The following ARHGEF26 variants were observed in gnomAD, a reference collection of about 807,000 sequenced individuals.
ARHGEF26 encodes Rho guanine nucleotide exchange factor (GEF) 26.
ARHGEF26 carries 59 observed loss-of-function variants against 89.4 expected under a neutral mutation model. The ratio of observed to expected loss-of-function variants is 0.66; its 90% CI spans 0.54 to 0.82. The LOEUF (loss-of-function observed/expected upper bound fraction) is 0.82, where lower values mean the gene tolerates loss of function less well. Among genes scored for constraint, ARHGEF26 ranks in the 40% least tolerant of loss-of-function variants. The pLI is 0.00. For missense variants in ARHGEF26, 1,234 were observed against 1,085.6 expected (o/e 1.14, Z -1.92); for synonymous variants, 500 against 428.4 (o/e 1.17, Z -2.06).
chr3:154,121,748 C>T (rs1006516370), intron 1 of ARHGEF26, among the ~76,000 whole-genome samples, 194 bp from the exon 2 acceptor site: 16 of 152,196 alleles, frequency 1.1e-4, no homozygotes, highest in African/African-American at 3.9e-4. Flanking sequence ...ATTAATCCGC[C>T]TGGGCGGCAG....
At chr3:154,248,838 A>T (rs1370245589) in intron 12 of ARHGEF26, among the ~76,000 whole-genome samples, 1 of 152,158 alleles carries the variant, frequency 6.6e-6, no homozygotes, top group Non-Finnish European at 1.5e-5. Context: ...AATTGAACTG[A>T]TATCTAGTTT....
chr3:154,186,886 C>CTTTTTTTTTT lies in ARHGEF26; in HGVS notation c.1488-780_1488-771dup, dbSNP rs201150057. Among the ~76,000 whole-genome samples, 71 of 82,066 alleles carry CTTTTTTTTTT rather than the reference C, an allele frequency of 8.7e-4. 22 individuals are homozygous for CTTTTTTTTTT. The highest frequency in any genetic ancestry group is 2.2e-3 in the African/African-American group (47 of 21,156). The allele number at this position is 82,066 out of a possible 152,430, so 53.8% of individuals were successfully genotyped here. ...CATATACTGTTAGATTTATTTCAGA[C>CTTTTTTTTTT]TTTTTTTTTTTTTTTTTTTTTTTTT... On this transcript the variant is annotated intron_variant, in intron 6 of 14. Coordinates refer to ENST00000465093, the MANE Select transcript of ARHGEF26 (RefSeq NM_015595.4).
intron 6 of ARHGEF26, among the ~76,000 whole-genome samples, chr3:154,160,705 T>G (rs1340058410): frequency 6.6e-6 from 1 of 152,132 alleles, no homozygotes; most frequent in Non-Finnish European, 1.5e-5. Flanking sequence ...CCTTCACAAA[T>G]CTATGGTTAC....
intron 12 of ARHGEF26, among the ~76,000 whole-genome samples, chr3:154,245,514 C>T (rs1035304911): frequency 1.3e-5 from 2 of 152,190 alleles, no homozygotes; most frequent in African/African-American, 4.8e-5. Context: ...CTGGAATGCC[C>T]TCTTCAGGCC....
rs1365685257 is a variant in ARHGEF26, at chr3:154,255,345, G to C, written c.2488G>C (p.Glu830Gln). ...QRVSDGWYEGERLRDGERGWF... is the reference protein window; with the variant it reads ...QRVSDGWYEGQRLRDGERGWF... ...CTTTTTCACAGGCTGGTATGAGGGG[G>C]AACGACTACGAGATGGAGAAAGAGG... Residue 830 changes from glutamate to glutamine, a missense_variant, in exon 15 of 15, where the codon GAA becomes CAA. Glu to Gln is a conservative substitution (Grantham distance 29). Coordinates refer to ENST00000465093, the MANE Select transcript of ARHGEF26 (RefSeq NM_015595.4). 6.2e-7 allele frequency: 1 copy of C among 1,613,228 alleles called. No individual in the cohort carries two copies.
chr3:154,243,372 A>G (rs1367132228), intron 12 of ARHGEF26, among the ~76,000 whole-genome samples: 3 of 152,170 alleles, frequency 2.0e-5, no homozygotes, highest in Non-Finnish European at 4.4e-5. Context: ...CAACATCTCA[A>G]CAGAGATTTT....
At chr3:154,185,595 C>G (rs1381759933) in intron 6 of ARHGEF26, among the ~76,000 whole-genome samples, 1 of 152,204 alleles carries the variant, frequency 6.6e-6, no homozygotes, top group African/African-American at 2.4e-5. Flanking sequence ...CTGCTACTCT[C>G]CCAGCACCTC....
chr3:154,141,637 C>T (rs1204391248), intron 4 of ARHGEF26, among the ~76,000 whole-genome samples: 1 of 152,150 alleles, frequency 6.6e-6, no homozygotes, highest in African/African-American at 2.4e-5. Flanking sequence ...TCTTTATCAG[C>T]AGCTTAACAT....
At chr3:154,248,310 A>G (rs1322453797) in intron 12 of ARHGEF26, among the ~76,000 whole-genome samples, 1 of 152,174 alleles carries the variant, frequency 6.6e-6, no homozygotes, top group Non-Finnish European at 1.5e-5. Context: ...CTCCTGATAA[A>G]GGGGCATTGT....
At chr3:154,174,491 C>T (rs1361245187) in intron 6 of ARHGEF26, among the ~76,000 whole-genome samples, 1 of 152,006 alleles carries the variant, frequency 6.6e-6, no homozygotes, top group African/African-American at 2.4e-5. Flanking sequence ...CCTCAGAGAG[C>T]CTCTCTACAA....
intron 6 of ARHGEF26, among the ~76,000 whole-genome samples, chr3:154,165,003 G>A (rs1425641221): frequency 6.6e-6 from 1 of 152,104 alleles, no homozygotes; most frequent in Non-Finnish European, 1.5e-5. Context: ...TTTTTAGGAA[G>A]ACTGGTTTAA....
At chr3:154,164,536 C>T (rs1711879017) in intron 6 of ARHGEF26, among the ~76,000 whole-genome samples, 1 of 151,972 alleles carries the variant, frequency 6.6e-6, no homozygotes, top group African/African-American at 2.4e-5. Flanking sequence ...GGAAAGGTTC[C>T]ATAGAAATGT....
At chr3:154,130,147 A>ATTTTTTTTTTTTTTTTTTTTTTT (rs55816788) in intron 4 of ARHGEF26, among the ~76,000 whole-genome samples, 1 of 105,970 alleles carries the variant, frequency 9.4e-6, no homozygotes, top group East Asian at 3.0e-4. Context: ...TTCCTTGGAA[A>ATTTTTTTTTTTTTTTTTTTTTTT]TTTTTTTTTT....
At chr3:154,124,557 C>A in intron 3 of ARHGEF26, 108 bp downstream of exon 3, 4 of 982,444 alleles carry the variant, frequency 4.1e-6, no homozygotes, top group Non-Finnish European at 5.9e-6. Flanking sequence ...GAAATATGTC[C>A]AACTTCTTCT....
At chr3:154,219,573 CAAA>C (rs1204442217) in intron 10 of ARHGEF26, among the ~76,000 whole-genome samples, 1 of 146,196 alleles carries the variant, frequency 6.8e-6, no homozygotes, top group Non-Finnish European at 1.5e-5. Context: ...CCAGCCTGGG[CAAA>C]AGAGCAAGAC....
chr3:154,227,212 A>G (rs1221259870), intron 11 of ARHGEF26, among the ~76,000 whole-genome samples: 1 of 152,224 alleles, frequency 6.6e-6, no homozygotes, highest in Non-Finnish European at 1.5e-5. Context: ...ATACTTAGGA[A>G]AATTCTATTT....
At chr3:154,145,576 C>CAAAA (rs1292961313) in intron 4 of ARHGEF26, among the ~76,000 whole-genome samples, 1 of 152,072 alleles carries the variant, frequency 6.6e-6, no homozygotes, top group Non-Finnish European at 1.5e-5. Flanking sequence ...GTTTGTGAGG[C>CAAAA]TTTTGGGTTC....
chr3:154,228,640 A>G (rs1716640582), intron 11 of ARHGEF26, among the ~76,000 whole-genome samples: 1 of 151,936 alleles, frequency 6.6e-6, no homozygotes, highest in African/African-American at 2.4e-5. Context: ...TGACCTGAAT[A>G]TGTGGTGAGG....
chr3:154,128,516 A>C (rs1450781919), intron 3 of ARHGEF26, among the ~76,000 whole-genome samples: 2 of 152,014 alleles, frequency 1.3e-5, no homozygotes, highest in South Asian at 2.1e-4. Context: ...TGAGATTACA[A>C]GTGTGAGCCA....
Sources: allele counts gnomAD v4.1 joint callset (sites outside exome capture counted in the v4.1 genomes callset), GRCh38; gene constraint gnomAD v4.1.1; transcripts MANE v1.5; gene names NCBI Gene and HGNC (gene_info 2026-07-23, HGNC 2026-07-21).